Variants in ZFHX3 observed in about 807,000 individuals in gnomAD.
ZFHX3 encodes the protein zinc finger homeobox 3.
A neutral mutation model predicts 279.1 loss-of-function variants in ZFHX3; 42 were observed. That is an observed-to-expected ratio of 0.15 (90% CI 0.12 to 0.19). The LOEUF (loss-of-function observed/expected upper bound fraction) is 0.19, where lower values mean the gene tolerates loss of function less well. ZFHX3 is among the 10% of genes least tolerant of loss of function. The probability of loss-of-function intolerance (pLI) is 1.00; values close to 1 mark genes in which losing one functional copy is unlikely to be tolerated. For missense variants in ZFHX3, 4,981 were observed against 4,754.0 expected, an observed-to-expected ratio of 1.05 and a Z score of -1.40; for synonymous variants, 2,293 against 1,957.8, an observed-to-expected ratio of 1.17 and a Z score of -4.52.
chr16:73,453,618 G>GC (rs1223680166), intron 3 of ZFHX3, among the ~76,000 whole-genome samples: 2 of 152,168 alleles, frequency 1.3e-5, no homozygotes, highest in Admixed American at 6.5e-5. Flanking sequence ...AGACAGTCCA[G>GC]CCCCGTGGAT....
intron 4 of ZFHX3, among the ~76,000 whole-genome samples, chr16:72,855,681 T>C (rs765438676): frequency 6.6e-6 from 1 of 152,198 alleles, no homozygotes; most frequent in Non-Finnish European, 1.5e-5. Context: ...TCTATTTCAA[T>C]ACCCTGCACC....
At chr16:73,664,829 T>C (rs1042317970) in intron 2 of ZFHX3, among the ~76,000 whole-genome samples, 4 of 152,242 alleles carry the variant, frequency 2.6e-5, no homozygotes, top group Non-Finnish European at 5.9e-5. Flanking sequence ...AAAGTAATTA[T>C]AAAGGACAAT....
intron 4 of ZFHX3, among the ~76,000 whole-genome samples, chr16:72,853,867 G>C (rs1175449647): frequency 6.6e-6 from 1 of 152,038 alleles, no homozygotes; most frequent in South Asian, 2.1e-4. Flanking sequence ...AGAGCTAGGT[G>C]CACAGACTAA....
At chr16:73,360,297 C>A (rs2016414542) in intron 3 of ZFHX3, among the ~76,000 whole-genome samples, 1 of 152,178 alleles carries the variant, frequency 6.6e-6, no homozygotes, top group Non-Finnish European at 1.5e-5. Flanking sequence ...CTTGCCAAAG[C>A]TTACACAGCA....
At chr16:73,502,518 A>G (rs1033488095) in intron 2 of ZFHX3, among the ~76,000 whole-genome samples, 3 of 152,198 alleles carry the variant, frequency 2.0e-5, no homozygotes, top group Non-Finnish European at 2.9e-5. Context: ...CCTGTCCTGC[A>G]TGGTGTCTAA....
At chr16:73,671,337 G>T (rs553376574) in intron 2 of ZFHX3, among the ~76,000 whole-genome samples, 1 of 152,308 alleles carries the variant, frequency 6.6e-6, no homozygotes, top group South Asian at 2.1e-4. Flanking sequence ...GCGGAGCAAA[G>T]CCAGCATCAG....
intron 1 of ZFHX3, among the ~76,000 whole-genome samples, chr16:73,878,534 A>G (rs1172995289): frequency 2.6e-5 from 4 of 152,278 alleles, no homozygotes; most frequent in Non-Finnish European, 5.9e-5. Flanking sequence ...TCATTTTGAA[A>G]CAGTTGCATA....
chr16:73,301,940 C>T (rs905750629), intron 4 of ZFHX3, among the ~76,000 whole-genome samples: 1 of 152,066 alleles, frequency 6.6e-6, no homozygotes, highest in African/African-American at 2.4e-5. Context: ...CTGCGGCAAC[C>T]ACAAGGCCCG....
chr16:73,058,705 C>T, exon 1 of ZFHX3: 1 of 155,270 alleles, frequency 6.4e-6, no homozygotes, highest in Non-Finnish European at 1.3e-5. Context: ...CTGGCGGCGG[C>T]GGCGGCGGCG....
intron 8 of ZFHX3, among the ~76,000 whole-genome samples, chr16:73,070,576 G>T (rs1244529647): frequency 6.6e-6 from 1 of 152,200 alleles, no homozygotes; most frequent in Non-Finnish European, 1.5e-5. Context: ...CGAGGACGCA[G>T]CAGAGAGGAA....
chr16:73,352,474 C>CTT (rs35974156), intron 3 of ZFHX3, among the ~76,000 whole-genome samples: 212 of 53,284 alleles, frequency 4.0e-3, no homozygotes, highest in Middle Eastern at 0.012. Flanking sequence ...CTCTCTCTCT[C>CTT]TTTTTTTTTT....
chr16:72,831,061 A>G (rs1349572880), intron 4 of ZFHX3, among the ~76,000 whole-genome samples: 1 of 152,074 alleles, frequency 6.6e-6, no homozygotes, highest in African/African-American at 2.4e-5. Context: ...ATGCCTTCTG[A>G]CCCTCTAGAA....
intron 2 of ZFHX3, among the ~76,000 whole-genome samples, chr16:73,662,453 G>C (rs1205050507): frequency 6.6e-6 from 1 of 150,648 alleles, no homozygotes; most frequent in Non-Finnish European, 1.5e-5. Context: ...ACATACATAT[G>C]GGATGTCAGA....
rs549083468 is a variant in ZFHX3 at position 72,917,204 on chromosome 16, G to A, written c.3217-27242C>T. On this transcript the variant is annotated intron_variant, in intron 3 of 9. Coordinates refer to ENST00000268489, the MANE Select transcript of ZFHX3 (RefSeq NM_006885.4). ...TACAGCGAGCCATGATCACACCACT[G>A]CACTCCAGACTGGGTGACAGAGCAA... Among the ~76,000 whole-genome samples, 200 of 152,292 alleles carry A rather than the reference G, an allele frequency of 1.3e-3. 2 individuals are homozygous for A. In the Middle Eastern group the frequency reaches 0.02, roughly 16 times the overall value.
intron 4 of ZFHX3, among the ~76,000 whole-genome samples, chr16:73,308,031 G>A (rs1014821323): frequency 1.3e-5 from 2 of 151,694 alleles, no homozygotes; most frequent in African/African-American, 4.9e-5. Context: ...TGGGTTTGAA[G>A]GCTAAAGGAT....
intron 2 of ZFHX3, among the ~76,000 whole-genome samples, chr16:73,494,653 G>A (rs951150231): frequency 6.6e-6 from 1 of 150,908 alleles, no homozygotes; most frequent in Admixed American, 6.6e-5. Context: ...CTCCGCCCAC[G>A]GGTTCAAGCG....
chr16:73,565,930 A>G (rs985782588), intron 2 of ZFHX3, among the ~76,000 whole-genome samples: 3 of 152,202 alleles, frequency 2.0e-5, no homozygotes, highest in African/African-American at 7.2e-5. Flanking sequence ...TTTAAAAAGT[A>G]ACACATAAAA....
intron 4 of ZFHX3, among the ~76,000 whole-genome samples, chr16:73,311,794 A>T (rs532805403): frequency 7.2e-5 from 11 of 152,176 alleles, no homozygotes; most frequent in Non-Finnish European, 5.9e-5. Context: ...AACAAGACGA[A>T]ATATAATTGG....
intron 7 of ZFHX3, among the ~76,000 whole-genome samples, chr16:73,096,561 C>T (rs1966166673): frequency 6.7e-6 from 1 of 148,226 alleles, no homozygotes; most frequent in African/African-American, 2.5e-5. Context: ...CACCATGAAG[C>T]CCAGCTAATT....
Sources: gnomAD v4.1 joint callset for allele counts (sites outside exome capture counted in the v4.1 genomes callset) on GRCh38, gnomAD v4.1.1 for gene constraint, MANE v1.5 for transcripts, NCBI Gene and HGNC (gene_info 2026-07-23, HGNC 2026-07-21) for gene names.